GPC5: variants seen among roughly 807,000 people sequenced by gnomAD.
GPC5 encodes the protein glypican-5.
In GPC5, 47 loss-of-function variants were observed where a neutral mutation model predicts 53.9. The ratio of observed to expected loss-of-function variants is 0.87; its 90% CI spans 0.69 to 1.11. The LOEUF (loss-of-function observed/expected upper bound fraction) is 1.11. GPC5 is among the 50% of genes most tolerant of loss of function. GPC5 has a pLI of 0.00. For synonymous variants in GPC5, 286 were observed against 263.3 expected (o/e 1.09, Z -0.84); for missense variants, 748 against 713.1 (o/e 1.05, Z -0.56).
intron 7 of GPC5, among the ~76,000 whole-genome samples, chr13:92,547,955 G>A (rs868647197): frequency 7.4e-5 from 11 of 149,296 alleles, no homozygotes; most frequent in Admixed American, 3.3e-4. Flanking sequence ...ACAGCCTCCC[G>A]AGGAGCTGGG....
At chr13:92,761,268 A>C (rs1301462211) in intron 7 of GPC5, among the ~76,000 whole-genome samples, 3 of 152,176 alleles carry the variant, frequency 2.0e-5, no homozygotes. Flanking sequence ...TTCTGGGCTC[A>C]AGCAATTCTC....
intron 6 of GPC5, among the ~76,000 whole-genome samples, chr13:92,035,022 A>G (rs182173641): frequency 2.0e-5 from 3 of 152,168 alleles, no homozygotes; most frequent in Non-Finnish European, 4.4e-5. Flanking sequence ...TTTCATAACT[A>G]ATATTGAAAT....
At chr13:92,777,370 C>T (rs1875852379) in intron 7 of GPC5, among the ~76,000 whole-genome samples, 1 of 144,020 alleles carries the variant, frequency 6.9e-6, no homozygotes, top group Non-Finnish European at 1.5e-5. Flanking sequence ...CTCAGTGGCT[C>T]ATGCCTGTAA....
intron 6 of GPC5, among the ~76,000 whole-genome samples, chr13:91,982,623 G>A (rs901934658): frequency 1.3e-5 from 2 of 152,118 alleles, no homozygotes; most frequent in African/African-American, 4.8e-5. Flanking sequence ...CATAAAAATG[G>A]GAAGGAAGTC....
Position 91,773,483 on chromosome 13 carries a change from T to C in GPC5, c.1280+17063T>C, listed in dbSNP as rs537414196. On this transcript the variant is annotated intron_variant, in intron 5 of 7. Transcript: ENST00000377067. ...AAAAATCTAGAAGGAAAATTCATGGTTTATTAATGATAATATTATTTCATT... is the reference window on the plus strand; with the variant it reads ...AAAAATCTAGAAGGAAAATTCATGGCTTATTAATGATAATATTATTTCATT... 1.6e-3 allele frequency among the ~76,000 whole-genome samples: 247 copies of C among 152,306 alleles called. 2 individuals are homozygous for C. The highest frequency in any genetic ancestry group is 3.4e-3 in the Middle Eastern group (1 of 294).
intron 6 of GPC5, among the ~76,000 whole-genome samples, chr13:92,090,486 C>T (rs2041371262): frequency 6.6e-6 from 1 of 152,132 alleles, no homozygotes; most frequent in African/African-American, 2.4e-5. Flanking sequence ...GATGGCAATT[C>T]ATGAATCAAG....
chr13:91,817,883 G>A (rs372054417), intron 5 of GPC5, among the ~76,000 whole-genome samples: 10 of 152,148 alleles, frequency 6.6e-5, no homozygotes, highest in South Asian at 2.1e-4. Flanking sequence ...CCTGGTTTAT[G>A]TAAACTGTTC....
intron 7 of GPC5, among the ~76,000 whole-genome samples, chr13:92,205,319 G>A (rs1356442767): frequency 6.6e-6 from 1 of 152,152 alleles, no homozygotes; most frequent in Non-Finnish European, 1.5e-5. Flanking sequence ...ATGATTGATT[G>A]ATTAATTACC....
chr13:91,585,833 T>G (rs1347276319), intron 2 of GPC5, among the ~76,000 whole-genome samples: 1 of 152,194 alleles, frequency 6.6e-6, no homozygotes. Context: ...TTCATTTTAC[T>G]GTTTAAGTCA....
intron 5 of GPC5, among the ~76,000 whole-genome samples, chr13:91,860,543 A>G (rs1248216383): frequency 2.7e-5 from 3 of 110,602 alleles, no homozygotes; most frequent in African/African-American, 1.1e-4. Flanking sequence ...TTTTTTTGAG[A>G]TGGAGTCTTG....
At chr13:92,714,731 C>A (rs945693490) in intron 7 of GPC5, among the ~76,000 whole-genome samples, 1 of 152,064 alleles carries the variant, frequency 6.6e-6, no homozygotes, top group African/African-American at 2.4e-5. Context: ...TCCCATATAA[C>A]AACTGTTTTC....
chr13:91,979,779 C>A (rs1021635178), intron 6 of GPC5, among the ~76,000 whole-genome samples: 2 of 151,228 alleles, frequency 1.3e-5, no homozygotes, highest in African/African-American at 4.8e-5. Context: ...TTCCTATGGG[C>A]ACAAATGTAA....
intron 5 of GPC5, among the ~76,000 whole-genome samples, chr13:91,781,917 T>C (rs1346040193): frequency 6.6e-6 from 1 of 152,212 alleles, no homozygotes; most frequent in East Asian, 1.9e-4. Flanking sequence ...TTTAAAAATT[T>C]ATTATACTCT....
intron 2 of GPC5, among the ~76,000 whole-genome samples, chr13:91,476,200 C>G (rs1486531003): frequency 6.6e-6 from 1 of 152,130 alleles, no homozygotes; most frequent in Non-Finnish European, 1.5e-5. Context: ...GCCCCTTCCC[C>G]GTTCCCAGCC....
At chr13:91,618,177 T>C (rs2033751451) in intron 2 of GPC5, among the ~76,000 whole-genome samples, 1 of 152,104 alleles carries the variant, frequency 6.6e-6, no homozygotes, top group African/African-American at 2.4e-5. Flanking sequence ...GTTTAAATGA[T>C]TTAGAAAGTA....
intron 2 of GPC5, among the ~76,000 whole-genome samples, chr13:91,463,023 A>G (rs1228778258): frequency 6.6e-6 from 1 of 152,024 alleles, no homozygotes; most frequent in Non-Finnish European, 1.5e-5. Context: ...TTAAATATGT[A>G]TTTTCTACTG....
intron 5 of GPC5, among the ~76,000 whole-genome samples, chr13:91,800,442 A>G (rs2038116153): frequency 6.8e-6 from 1 of 147,842 alleles, no homozygotes; most frequent in Non-Finnish European, 1.5e-5. Flanking sequence ...TATGTCACTC[A>G]AATTCATGAT....
At chr13:92,364,586 C>T (rs530991756) in intron 7 of GPC5, among the ~76,000 whole-genome samples, 17 of 151,438 alleles carry the variant, frequency 1.1e-4, no homozygotes, top group African/African-American at 3.4e-4. Flanking sequence ...AAAAATTAGC[C>T]GGGCGTGGTG....
intron 7 of GPC5, among the ~76,000 whole-genome samples, chr13:92,286,963 C>T (rs1220418688): frequency 6.6e-6 from 1 of 152,082 alleles, no homozygotes; most frequent in Non-Finnish European, 1.5e-5. Context: ...TACAAGATGG[C>T]CATATGCAAG....
Sources: allele counts gnomAD v4.1 joint callset (sites outside exome capture counted in the v4.1 genomes callset), GRCh38; gene constraint gnomAD v4.1.1; transcripts MANE v1.5; gene names NCBI Gene and HGNC (gene_info 2026-07-23, HGNC 2026-07-21).